Variants in DNAAF9 observed in about 807,000 individuals in gnomAD.
DNAAF9 encodes shulin.
DNAAF9 carries 90 observed loss-of-function variants against 167.0 expected under a neutral mutation model. The observed-to-expected ratio is 0.54, with a 90% confidence interval of 0.45 to 0.64. The LOEUF (loss-of-function observed/expected upper bound fraction) is 0.64, where lower values mean the gene tolerates loss of function less well. Ranked by LOEUF, DNAAF9 falls within the 30% of genes least tolerant of loss-of-function variation. The pLI is 0.00. For synonymous variants in DNAAF9, 491 were observed against 508.8 expected (o/e 0.96, Z 0.47); for missense variants, 1,315 against 1,442.2 (o/e 0.91, Z 1.43).
intron 6 of DNAAF9, among the ~76,000 whole-genome samples, chr20:3,371,701 T>G (rs1255697758): frequency 2.6e-5 from 4 of 152,170 alleles, no homozygotes; most frequent in African/African-American, 9.7e-5. Context: ...TGTGGTCTCT[T>G]TCTTACATTT....
chr20:3,286,745 T>A (rs1432714775), intron 27 of DNAAF9, among the ~76,000 whole-genome samples: 1 of 152,142 alleles, frequency 6.6e-6, no homozygotes, highest in Admixed American at 6.5e-5. Flanking sequence ...CCAATTCCCA[T>A]CATCACAGCC....
chr20:3,394,269 C>T (rs1468926953), intron 1 of DNAAF9, among the ~76,000 whole-genome samples: 3 of 149,088 alleles, frequency 2.0e-5, no homozygotes, highest in Non-Finnish European at 4.4e-5. Context: ...ACCCAGGAGG[C>T]GGAGGTTGCG....
At chr20:3,360,189 C>T (rs1478877765) in intron 6 of DNAAF9, 3 of 152,188 alleles carry the variant, frequency 2.0e-5, no homozygotes, top group Non-Finnish European at 4.4e-5. Context: ...GAACTCACTT[C>T]ATTTTATTTT....
At chr20:3,404,195 A>G (rs1188455759) in intron 1 of DNAAF9, among the ~76,000 whole-genome samples, 3 of 152,060 alleles carry the variant, frequency 2.0e-5, no homozygotes, top group Non-Finnish European at 4.4e-5. Flanking sequence ...ATGCCCAGCT[A>G]ATTTTTTTGT....
chr20:3,397,503 A>G (rs2083926750), intron 1 of DNAAF9, among the ~76,000 whole-genome samples: 1 of 152,022 alleles, frequency 6.6e-6, no homozygotes, highest in Admixed American at 6.5e-5. Flanking sequence ...TATTTTTAGT[A>G]GAGATAGGGT....
rs901547297 is a variant in DNAAF9, at chr20:3,340,614, A to G, written c.871T>C (p.Phe291Leu). 1.2e-6 allele frequency: 2 copies of G among 1,614,044 alleles called. No individual in the cohort carries two copies. Among genetic ancestry groups the G allele is most frequent in the African/African-American group, 2.7e-5 (2 of 75,026 alleles). ...NSPNRQPFVLFGNHSTRENLN... is the reference protein window; with the variant it reads ...NSPNRQPFVLLGNHSTRENLN... ...TTTTCTCGTGTGGAGTGATTACCAA[A>G]GAGAACAAATGGCTGCCGGTTAGGG... Residue 291 changes from phenylalanine (F) to leucine (L), a missense_variant, in exon 10 of 37, where the codon TTT becomes CTT. Phe to Leu is a conservative substitution (Grantham distance 22, BLOSUM62 0). Around this residue, in one of 2 missense-constraint regions of DNAAF9, gnomAD observed 981 missense variants for 1,012.5 expected, o/e 0.97. Coordinates refer to ENST00000252032, the MANE Select transcript of DNAAF9 (RefSeq NM_001009984.3).
chr20:3,355,742 A>G (rs1327678187), intron 7 of DNAAF9, among the ~76,000 whole-genome samples: 1 of 152,152 alleles, frequency 6.6e-6, no homozygotes, highest in African/African-American at 2.4e-5. Context: ...AATAAACCCT[A>G]CTTCATAGAA....
At chr20:3,394,481 T>C (rs1430176308) in intron 1 of DNAAF9, among the ~76,000 whole-genome samples, 1 of 152,222 alleles carries the variant, frequency 6.6e-6, no homozygotes, top group African/African-American at 2.4e-5. Flanking sequence ...CCTTTAAGCT[T>C]AAGGGTTTTA....
At chr20:3,263,241 T>G (rs910620443) in intron 31 of DNAAF9, among the ~76,000 whole-genome samples, 4 of 152,208 alleles carry the variant, frequency 2.6e-5, no homozygotes, top group African/African-American at 9.7e-5. Context: ...CCCAAAGTGC[T>G]GGGATTACAG....
intron 6 of DNAAF9, among the ~76,000 whole-genome samples, chr20:3,369,201 T>C (rs1358873672): frequency 2.0e-5 from 3 of 152,286 alleles, no homozygotes; most frequent in East Asian, 3.9e-4. Flanking sequence ...GGGTTTTTTT[T>C]CCTCTTCCCA....
chr20:3,366,288 C>T (rs1286419009), intron 6 of DNAAF9, among the ~76,000 whole-genome samples: 3 of 152,154 alleles, frequency 2.0e-5, no homozygotes, highest in Non-Finnish European at 4.4e-5. Flanking sequence ...GGCATGAAAA[C>T]AACATTAATC....
At chr20:3,309,688 T>G (rs916307767) in intron 20 of DNAAF9, among the ~76,000 whole-genome samples, 2 of 152,200 alleles carry the variant, frequency 1.3e-5, no homozygotes, top group African/African-American at 4.8e-5. Context: ...GTGGATTCTT[T>G]GAAAAATTAT....
At chr20:3,276,183 C>G (rs1184383788) in intron 29 of DNAAF9, among the ~76,000 whole-genome samples, 3 of 152,168 alleles carry the variant, frequency 2.0e-5, no homozygotes, top group Non-Finnish European at 4.4e-5. Context: ...AAGTATTTGT[C>G]TACTGCTGGC....
chr20:3,371,509 A>G (rs535639345), intron 6 of DNAAF9, among the ~76,000 whole-genome samples: 19 of 151,432 alleles, frequency 1.3e-4, no homozygotes, highest in African/African-American at 4.6e-4. Context: ...ACGCCCGGCT[A>G]ATTTTTTGTA....
At chr20:3,273,709 G>A (rs2068631515) in intron 29 of DNAAF9, among the ~76,000 whole-genome samples, 1 of 152,100 alleles carries the variant, frequency 6.6e-6, no homozygotes, top group African/African-American at 2.4e-5. Context: ...TTCAACACTG[G>A]GGATTATGTT....
At chr20:3,295,669 A>C in intron 23 of DNAAF9, 1 of 542,214 alleles carries the variant, frequency 1.8e-6, no homozygotes, top group Non-Finnish European at 3.7e-6. Context: ...TTCACATTAG[A>C]GACAAACTGT....
chr20:3,272,881 G>A (rs1600685352), intron 29 of DNAAF9, among the ~76,000 whole-genome samples: 1 of 152,162 alleles, frequency 6.6e-6, no homozygotes. Context: ...GGAGTGCAAT[G>A]GTGCAATCTC....
At chr20:3,402,648 G>C (rs1026205891) in intron 1 of DNAAF9, among the ~76,000 whole-genome samples, 1 of 151,866 alleles carries the variant, frequency 6.6e-6, no homozygotes, top group Non-Finnish European at 1.5e-5. Flanking sequence ...CATGAACGCA[G>C]CTCGCTGTAG....
In DNAAF9 at chr20:3,406,308, T is replaced by C. The variant is rs1049622404; in HGVS notation, c.83+1167A>G. ...TATGCCTTAAGTACCATAACAAGAA[T>C]ATAAGAAAACTGTTTTAACATGTAG... On this transcript the variant is annotated intron_variant, in intron 1 of 36. Transcript: ENST00000252032. Among the ~76,000 whole-genome samples the C allele has an allele frequency of 2.6e-5, 4 of 152,112 alleles. No individual in the cohort carries two copies. In the East Asian group the frequency reaches 5.8e-4, roughly 22 times the overall value.
Sources: gnomAD v4.1 joint callset for allele counts (sites outside exome capture counted in the v4.1 genomes callset) on GRCh38, gnomAD v4.1.1 for gene constraint, gnomAD v4.1.1 regional missense constraint, MANE v1.5 for transcripts, NCBI Gene and HGNC (gene_info 2026-07-23, HGNC 2026-07-21) for gene names.